Variants in ADCY9 observed in about 807,000 individuals in gnomAD.
The protein encoded by ADCY9 is adenylate cyclase type 9.
ADCY9 carries 50 observed loss-of-function variants against 101.5 expected under a neutral mutation model. The ratio of observed to expected loss-of-function variants is 0.49; its 90% CI spans 0.39 to 0.62. The LOEUF (loss-of-function observed/expected upper bound fraction) is 0.62, where lower values mean the gene tolerates loss of function less well. ADCY9 is among the 20% of genes least tolerant of loss of function. ADCY9 has a pLI of 0.00. For missense variants in ADCY9, 1,662 were observed against 1,800.4 expected, an observed-to-expected ratio of 0.92 and a Z score of 1.39; for synonymous variants, 905 against 769.3, an observed-to-expected ratio of 1.18 and a Z score of -2.92.
chr16:3,999,707 A>G (rs984581399), intron 3 of ADCY9, among the ~76,000 whole-genome samples: 85 of 152,336 alleles, frequency 5.6e-4, no homozygotes, highest in Admixed American at 5.4e-3. Context: ...AACGCCCAAG[A>G]GCAAACTCTG....
At chr16:4,024,727 G>T (rs1291757062) in intron 2 of ADCY9, among the ~76,000 whole-genome samples, 1 of 152,134 alleles carries the variant, frequency 6.6e-6, no homozygotes, top group Non-Finnish European at 1.5e-5. Flanking sequence ...GAACCGACAG[G>T]ATGTGAACAA....
At chr16:4,066,631 C>T (rs1482236070) in intron 2 of ADCY9, among the ~76,000 whole-genome samples, 1 of 152,098 alleles carries the variant, frequency 6.6e-6, no homozygotes, top group East Asian at 1.9e-4. Context: ...GTGATCCTCC[C>T]GCCTCAGCCT....
At chr16:4,091,418 A>T (rs980257143) in intron 2 of ADCY9, among the ~76,000 whole-genome samples, 1 of 152,156 alleles carries the variant, frequency 6.6e-6, no homozygotes, top group African/African-American at 2.4e-5. Flanking sequence ...CAAAAAGTTA[A>T]ACAGAGTTAC....
chr16:4,111,761 T>C (rs750994290), intron 2 of ADCY9, among the ~76,000 whole-genome samples: 1 of 150,984 alleles, frequency 6.6e-6, no homozygotes, highest in African/African-American at 2.4e-5. Context: ...TTTATAAATA[T>C]ACAATGTACA....
intron 2 of ADCY9, among the ~76,000 whole-genome samples, chr16:4,040,560 G>A (rs886621695): frequency 4.0e-5 from 6 of 151,520 alleles, no homozygotes; most frequent in African/African-American, 1.2e-4. Context: ...GGGTTCATGC[G>A]ATCCTCCCAC....
In ADCY9 at chr16:3,965,854, A is replaced by G. The variant is rs2055987040; in HGVS notation, c.3983T>C (p.Ile1328Thr). 1.9e-6 allele frequency: 3 copies of G among 1,614,020 alleles called. No homozygotes were observed. The highest frequency in any genetic ancestry group is 1.3e-5 in the African/African-American group (1 of 74,916). Residue 1328 changes from isoleucine to threonine, a missense_variant, in exon 11 of 11, where the codon ATA (isoleucine) becomes ACA (threonine). This residue lies in a region of ADCY9 where 168 missense variants were observed against 155.3 expected (regional missense o/e 1.08). Coordinates refer to ENST00000294016, the MANE Select transcript of ADCY9 (RefSeq NM_001116.4). Reference sequence around the variant, plus strand: ...TGTTTCGTCACAGTCGTCTTTCTCTATGGCTTTGCCAAATCGACCCCTTTC... The same window carrying G: ...TGTTTCGTCACAGTCGTCTTTCTCTGTGGCTTTGCCAAATCGACCCCTTTC... Reference protein sequence around the residue: ...AEERGRFGKAIEKDDCDETGI... With the variant: ...AEERGRFGKATEKDDCDETGI...
chr16:4,081,759 G>A (rs560976127), intron 2 of ADCY9, among the ~76,000 whole-genome samples: 34 of 148,690 alleles, frequency 2.3e-4, no homozygotes, highest in African/African-American at 3.9e-4. Flanking sequence ...AGGGTGTAAC[G>A]GTGGGTGGGG....
intron 2 of ADCY9, among the ~76,000 whole-genome samples, chr16:4,035,550 G>A (rs1597181112): frequency 6.6e-6 from 1 of 152,140 alleles, no homozygotes; most frequent in South Asian, 2.1e-4. Context: ...GCCTCGCAAA[G>A]CCTATATGCA....
intron 3 of ADCY9, among the ~76,000 whole-genome samples, chr16:4,001,484 G>A (rs1055179342): frequency 4.4e-4 from 67 of 152,156 alleles, no homozygotes; most frequent in African/African-American, 1.4e-3. Context: ...AGGCTCACCT[G>A]GATCATTTGG....
chr16:4,066,344 A>C (rs2056801160), intron 2 of ADCY9, among the ~76,000 whole-genome samples: 1 of 152,082 alleles, frequency 6.6e-6, no homozygotes, highest in South Asian at 2.1e-4. Context: ...GAGTATATTT[A>C]CTTTTCTCTC....
intron 10 of ADCY9, among the ~76,000 whole-genome samples, chr16:3,970,483 T>C (rs1200183520): frequency 6.6e-6 from 1 of 152,092 alleles, no homozygotes; most frequent in Non-Finnish European, 1.5e-5. Context: ...TGCGCCACCA[T>C]ACTTGGCTAA....
intron 2 of ADCY9, among the ~76,000 whole-genome samples, chr16:4,011,199 T>A (rs1478201337): frequency 2.0e-5 from 3 of 151,456 alleles, no homozygotes; most frequent in Non-Finnish European, 2.9e-5. Flanking sequence ...CTAGAACAGG[T>A]CATGAAAGGC....
intron 10 of ADCY9, among the ~76,000 whole-genome samples, chr16:3,968,270 T>G (rs1254504462): frequency 2.0e-5 from 3 of 151,986 alleles, no homozygotes; most frequent in Non-Finnish European, 2.9e-5. Context: ...GTAGCTGGGT[T>G]CACAGACATG....
chr16:4,022,773 A>G (rs758443), intron 2 of ADCY9, among the ~76,000 whole-genome samples: 144,322 of 152,180 alleles, frequency 0.95, 68,877 homozygotes, highest in East Asian at 1. Flanking sequence ...CAGCCTGGGT[A>G]TCAGAGTAAG....
rs77276800 is a variant in ADCY9, at chr16:4,019,506, G to A, written c.1694-11948C>T. Among the ~76,000 whole-genome samples, 36 of 152,360 alleles carry A rather than the reference G, an allele frequency of 2.4e-4. No individual in the cohort carries two copies. The East Asian group carries it at 6.7e-3, about 29-fold the overall frequency. On this transcript the variant is annotated intron_variant, in intron 2 of 10. Transcript: ENST00000294016. ...CAGTGAGTAGTGAGTGCCCAAGCAC[G>A]AGAGGAGGGGACAAAGGCTGGGTCC...
In ADCY9 at chr16:4,022,408, G is replaced by A. The variant is rs375356603; in HGVS notation, c.1694-14850C>T. On this transcript the variant is annotated intron_variant, in intron 2 of 10. Coordinates refer to ENST00000294016, the MANE Select transcript of ADCY9 (RefSeq NM_001116.4). ...CAGGAGGCTGAGGCATGAGAATGGC[G>A]TGAACCCGGGAAGCGGAGCTTGCAG... Among the ~76,000 whole-genome samples the A allele has an allele frequency of 2.3e-4, 33 of 146,028 alleles. 1 individual carries two copies. The South Asian group carries it at 6.8e-3, about 30-fold the overall frequency.
At chr16:4,097,522 T>C (rs117546916) in intron 2 of ADCY9, among the ~76,000 whole-genome samples, 9,127 of 105,660 alleles carry the variant, frequency 0.086, 590 homozygotes, top group Non-Finnish European at 0.098. Context: ...TATAAATACA[T>C]ATGTACATAT....
Position 3,966,318 on chromosome 16 carries a change from C to T in ADCY9, c.3519G>A (p.Thr1173=), listed in dbSNP as rs200746030. Residue 1173 remains threonine (T), a synonymous_variant, in exon 11 of 11, where the codon ACG becomes ACA. Transcript: ENST00000294016. The part of the protein sequence containing the change: ...LRVGFNHGPL[T]AGVIGTTKLL... ...GCTTGGTGGTGCCGATGACCCCGGC[C>T]GTGAGGGGCCCATGGTTGAAGCCGA... 24 of 1,614,084 alleles carry T rather than the reference C, an allele frequency of 1.5e-5. No homozygotes were observed. Among genetic ancestry groups the T allele is most frequent in the East Asian group, 1.1e-4 (5 of 44,866 alleles).
chr16:4,100,164 G>GCT (rs571218587), intron 2 of ADCY9, among the ~76,000 whole-genome samples: 1 of 151,782 alleles, frequency 6.6e-6, no homozygotes, highest in Non-Finnish European at 1.5e-5. Context: ...CCCTTCGCAT[G>GCT]CTCTCTCTCT....
Sources: allele counts gnomAD v4.1 joint callset (sites outside exome capture counted in the v4.1 genomes callset), GRCh38; gene constraint gnomAD v4.1.1; regional missense constraint gnomAD v4.1.1; transcripts MANE v1.5; gene names NCBI Gene and HGNC (gene_info 2026-07-23, HGNC 2026-07-21).